Variants in GPR149 observed in about 807,000 individuals in gnomAD.
GPR149 encodes G protein-coupled receptor 149, also known as probable G protein-coupled receptor 149.
In GPR149, 50 loss-of-function variants were observed where a neutral mutation model predicts 50.2. The ratio of observed to expected loss-of-function variants is 1.00; its 90% CI spans 0.79 to 1.26. GPR149 has a LOEUF of 1.26. Among genes scored for constraint, GPR149 ranks in the 50% most tolerant of loss-of-function variants. The pLI is 0.00. For synonymous variants in GPR149, 405 were observed against 358.2 expected (o/e 1.13, Z -1.48); for missense variants, 983 against 895.4 (o/e 1.10, Z -1.25).
intron 3 of GPR149, among the ~76,000 whole-genome samples, chr3:154,413,248 T>C (rs781650096): frequency 1.3e-4 from 20 of 152,102 alleles, no homozygotes; most frequent in Middle Eastern, 3.4e-3. Context: ...TTAGGCAAAG[T>C]CTTAATGACC....
In GPR149 at chr3:154,353,443, A is replaced by G. The variant is rs540628437; in HGVS notation, c.1624-15172T>C. 1.2e-5 allele frequency: 12 copies of G among 996,228 alleles called. 1 individual carries two copies. In the South Asian group the frequency reaches 1.3e-4, roughly 11 times the overall value. The allele number at this position is 996,228 out of a possible 1,614,324, so 61.7% of individuals were successfully genotyped here. A position where few individuals can be genotyped will look rare whatever the true frequency, so the allele number is the denominator to read the frequency against. ...TCTTCAACTTGTTCATTAAAATCTA[A>G]ATCTAACGTTTGATCCACTTCATCA... On this transcript the variant is annotated intron_variant, in intron 3 of 3. Coordinates refer to ENST00000389740, the MANE Select transcript of GPR149 (RefSeq NM_001038705.3).
At chr3:154,426,651 C>T (rs1712310544) in intron 2 of GPR149, among the ~76,000 whole-genome samples, 1 of 152,140 alleles carries the variant, frequency 6.6e-6, no homozygotes, top group South Asian at 2.1e-4. Context: ...CATTCCTCAA[C>T]ACTTTTCTTG....
chr3:154,387,990 T>G (rs1481543302), intron 3 of GPR149, among the ~76,000 whole-genome samples: 1 of 152,216 alleles, frequency 6.6e-6, no homozygotes, highest in Non-Finnish European at 1.5e-5. Flanking sequence ...GGGACATTGA[T>G]TTTTATAACT....
chr3:154,352,780 A>G, intron 3 of GPR149: 1 of 806,488 alleles, frequency 1.2e-6, no homozygotes, highest in Admixed American at 1.7e-5. Flanking sequence ...AACTAAATCC[A>G]TTGTAGAAGG....
chr3:154,361,323 C>G (rs1381778602), intron 3 of GPR149, among the ~76,000 whole-genome samples: 4 of 152,254 alleles, frequency 2.6e-5, no homozygotes, highest in African/African-American at 4.8e-5. Context: ...ATGGCATATT[C>G]AACTAGTCTT....
intron 3 of GPR149, among the ~76,000 whole-genome samples, chr3:154,409,384 C>T (rs1385404922): frequency 5.3e-5 from 8 of 152,022 alleles, no homozygotes; most frequent in Non-Finnish European, 1.2e-4. Context: ...GACAAAATTT[C>T]GGAATTTCCA....
At chr3:154,396,938 T>A (rs1247406649) in intron 3 of GPR149, among the ~76,000 whole-genome samples, 3 of 151,870 alleles carry the variant, frequency 2.0e-5, no homozygotes, top group South Asian at 2.1e-4. Context: ...TTGTTGTTTT[T>A]AAGAGCACTA....
chr3:154,364,926 T>C (rs1559975419), intron 3 of GPR149, among the ~76,000 whole-genome samples: 1 of 152,226 alleles, frequency 6.6e-6, no homozygotes, highest in Non-Finnish European at 1.5e-5. Context: ...GTAGAGACTC[T>C]GTGGTGGCCC....
At chr3:154,416,851 G>A (rs1712004490) in intron 3 of GPR149, among the ~76,000 whole-genome samples, 1 of 151,868 alleles carries the variant, frequency 6.6e-6, no homozygotes, top group Non-Finnish European at 1.5e-5. Context: ...CAAAATGGAG[G>A]ACCTTGCACC....
chr3:154,336,676 G>A lies in GPR149; in HGVS notation c.*1023C>T, dbSNP rs1224781488. ...TTCAACTGTTTCTTTGAGACAACAC[G>A]TCTTTAGAGAAGAAACAAAAAAGCA... On this transcript the variant is annotated 3_prime_UTR_variant, in exon 4 of 4. Transcript: ENST00000389740. 5 of 151,992 alleles carry A rather than the reference G, an allele frequency of 3.3e-5. No individual in the cohort carries two copies. The highest frequency in any genetic ancestry group is 7.2e-5 in the African/African-American group (3 of 41,420). The allele number at this position is 151,992 out of a possible 1,614,324, so 9.4% of individuals were successfully genotyped here.
At chr3:154,374,257 T>C (rs961668827) in intron 3 of GPR149, among the ~76,000 whole-genome samples, 1 of 143,072 alleles carries the variant, frequency 7.0e-6, no homozygotes, top group African/African-American at 2.6e-5. Context: ...TCACTGCAAC[T>C]TCTGCCTCCT....
At chr3:154,361,113 A>G (rs753409939) in intron 3 of GPR149, among the ~76,000 whole-genome samples, 28 of 152,308 alleles carry the variant, frequency 1.8e-4, no homozygotes, top group Middle Eastern at 3.4e-3. Flanking sequence ...CCCACACAGC[A>G]GATACTAAAG....
intron 3 of GPR149, among the ~76,000 whole-genome samples, chr3:154,389,497 T>C (rs13072293): frequency 0.52 from 79,607 of 151,782 alleles, 21,422 homozygotes; most frequent in Middle Eastern, 0.68. Context: ...AGATACTGGC[T>C]TCTGTCTCAC....
chr3:154,355,124 T>A (rs373499495), intron 3 of GPR149, among the ~76,000 whole-genome samples: 124 of 152,192 alleles, frequency 8.1e-4, no homozygotes, highest in African/African-American at 2.9e-3. Flanking sequence ...GCCTCCTGGG[T>A]TCAAGCGGTT....
In GPR149 at chr3:154,429,452, A is replaced by G. The variant is rs1159846599; in HGVS notation, c.164T>C (p.Leu55Pro). 6.2e-7 allele frequency: 1 copy of G among 1,614,084 alleles called. No homozygotes were observed. The highest frequency in any genetic ancestry group is 8.5e-7 in the Non-Finnish European group (1 of 1,180,042). Residue 55 changes from leucine to proline, a missense_variant, in exon 1 of 4, where the codon CTA becomes CCA. Transcript: ENST00000389740. The stretch of plus-strand genomic sequence containing the variant: ...GTTCTGCATTTTCAGCAGGGAAATT[A>G]GTGAATAAATGCTGCCCACCAAGGC... The part of the protein sequence containing the change: ...FAALVGSIYS[L>P]ISLLKMQNRT...
At chr3:154,371,225 T>C (rs186941609) in intron 3 of GPR149, among the ~76,000 whole-genome samples, 1 of 152,258 alleles carries the variant, frequency 6.6e-6, no homozygotes, top group Non-Finnish European at 1.5e-5. Context: ...AAAAAACAAA[T>C]GGTCAGCAGA....
intron 3 of GPR149, among the ~76,000 whole-genome samples, chr3:154,374,349 A>AT (rs1714743561): frequency 6.6e-6 from 1 of 151,128 alleles, no homozygotes; most frequent in African/African-American, 2.4e-5. Flanking sequence ...TAATTTTTGT[A>AT]TTTTTGTAAA....
intron 3 of GPR149, chr3:154,353,104 T>G: frequency 6.8e-7 from 1 of 1,472,968 alleles, no homozygotes; most frequent in Non-Finnish European, 9.5e-7. Flanking sequence ...TTCTGTTTTA[T>G]GTGTGGATTC....
At chr3:154,427,056 A>T (rs1207537915) in intron 2 of GPR149, among the ~76,000 whole-genome samples, 1 of 152,126 alleles carries the variant, frequency 6.6e-6, no homozygotes, top group African/African-American at 2.4e-5. Context: ...GTTCCATTGC[A>T]TAATAATGTT....
Sources: allele counts gnomAD v4.1 joint callset (sites outside exome capture counted in the v4.1 genomes callset), GRCh38; gene constraint gnomAD v4.1.1; transcripts MANE v1.5; gene names NCBI Gene and HGNC (gene_info 2026-07-23, HGNC 2026-07-21).